The following DLGAP2 variants were observed in gnomAD, a reference collection of about 807,000 sequenced individuals.
DLGAP2 encodes the protein DLG associated protein 2.
Under a neutral mutation model 100.3 loss-of-function variants are expected in DLGAP2, and 26 were observed. The ratio of observed to expected loss-of-function variants is 0.26; its 90% CI spans 0.19 to 0.36. DLGAP2 has a LOEUF of 0.36. DLGAP2 is among the 10% of genes least tolerant of loss of function. The pLI, the probability that DLGAP2 is intolerant of heterozygous loss-of-function variation, is 1.00. For missense variants in DLGAP2, 1,858 were observed against 1,453.2 expected, an observed-to-expected ratio of 1.28 and a Z score of -4.53; for synonymous variants, 886 against 630.1, an observed-to-expected ratio of 1.41 and a Z score of -6.08.
At chr8:1,080,416 A>T (rs1803766788) in intron 2 of DLGAP2, among the ~76,000 whole-genome samples, 2 of 152,254 alleles carry the variant, frequency 1.3e-5, no homozygotes, top group Admixed American at 1.3e-4. Flanking sequence ...CCTCACACTT[A>T]GAAAATCGCC....
intron 2 of DLGAP2, among the ~76,000 whole-genome samples, chr8:1,147,097 T>C (rs1190168049): frequency 1.3e-5 from 2 of 152,340 alleles, no homozygotes; most frequent in South Asian, 2.1e-4. Flanking sequence ...CATCCTTATA[T>C]TGAGTCTTTC....
At chr8:967,816 CTATATATATATATATATATATA>C (rs1175736398) in intron 2 of DLGAP2, among the ~76,000 whole-genome samples, 15 of 2,582 alleles carry the variant, frequency 5.8e-3, no homozygotes, top group African/African-American at 7.5e-3. Flanking sequence ...TTGAACACCA[CTATATATATATATATATATATA>C]TATATATATA....
At chr8:961,210 T>C (rs1449183766) in intron 2 of DLGAP2, among the ~76,000 whole-genome samples, 1 of 152,228 alleles carries the variant, frequency 6.6e-6, no homozygotes, top group Non-Finnish European at 1.5e-5. Context: ...CCATACAATA[T>C]CAAGGCCACT....
At chr8:1,489,025 C>A (rs974515029) in intron 3 of DLGAP2, among the ~76,000 whole-genome samples, 3 of 152,196 alleles carry the variant, frequency 2.0e-5, no homozygotes, top group South Asian at 4.1e-4. Flanking sequence ...ATAATCCGCA[C>A]TGTTACCTTC....
chr8:752,459 C>T (rs982771866), intron 1 of DLGAP2, among the ~76,000 whole-genome samples: 2 of 152,218 alleles, frequency 1.3e-5, no homozygotes, highest in Admixed American at 6.5e-5. Flanking sequence ...ATGTGCCAAT[C>T]TCGGTCGTGC....
chr8:1,642,028 C>G (rs1224886126), intron 8 of DLGAP2, among the ~76,000 whole-genome samples: 1 of 29,524 alleles, frequency 3.4e-5, no homozygotes, highest in Admixed American at 3.5e-4. Flanking sequence ...GTGTCACCCT[C>G]GACCCTGCCG....
At chr8:880,611 T>C (rs1797770271) in intron 1 of DLGAP2, among the ~76,000 whole-genome samples, 2 of 144,262 alleles carry the variant, frequency 1.4e-5, no homozygotes, top group African/African-American at 5.3e-5. Context: ...CCAGTGTGTG[T>C]CCCCTCTCCA....
intron 2 of DLGAP2, among the ~76,000 whole-genome samples, chr8:1,205,514 A>C (rs1797971188): frequency 6.6e-6 from 1 of 152,168 alleles, no homozygotes; most frequent in Non-Finnish European, 1.5e-5. Flanking sequence ...CTCTGTGGCC[A>C]CCGATTAATT....
intron 2 of DLGAP2, among the ~76,000 whole-genome samples, chr8:1,058,173 G>A (rs567791964): frequency 6.6e-5 from 10 of 151,966 alleles, no homozygotes; most frequent in African/African-American, 1.7e-4. Flanking sequence ...CTGGGGGCGC[G>A]GCCGGATTGA....
intron 2 of DLGAP2, among the ~76,000 whole-genome samples, chr8:981,227 C>A (rs900270184): frequency 1.3e-5 from 2 of 152,144 alleles, no homozygotes; most frequent in African/African-American, 4.8e-5. Context: ...CAAGGCTCAT[C>A]TGGGTTGTGG....
rs146117998 is a variant in DLGAP2, at chr8:1,601,989, G to A, written c.1443-24751G>A. 9.2e-4 allele frequency among the ~76,000 whole-genome samples: 101 copies of A among 110,050 alleles called. 1 individual carries two copies. Among genetic ancestry groups the A allele is most frequent in the Middle Eastern group, 8.0e-3 (2 of 250 alleles). The allele number at this position is 110,050 out of a possible 152,430, so 72.2% of individuals were successfully genotyped here. ...GTGTGTGTGTGTGTGTGATCAGCCC[G>A]TGCTACCTTCTTGCTTGTGGGGGCC... On this transcript the variant is annotated intron_variant, in intron 6 of 14. Coordinates refer to ENST00000637795, the MANE Select transcript of DLGAP2 (RefSeq NM_001346810.2).
intron 3 of DLGAP2, among the ~76,000 whole-genome samples, chr8:1,317,400 G>C (rs1265850319): frequency 7.1e-6 from 1 of 140,758 alleles, no homozygotes; most frequent in Non-Finnish European, 1.5e-5. Flanking sequence ...TGCGAGTGCA[G>C]CGTCTCTCCA....
At chr8:837,268 C>T (rs1210847043) in intron 1 of DLGAP2, among the ~76,000 whole-genome samples, 5 of 152,216 alleles carry the variant, frequency 3.3e-5, no homozygotes, top group South Asian at 4.1e-4. Context: ...GGCCAGTCCT[C>T]GGACCTGTGC....
At chr8:1,494,565 C>T (rs574968322) in intron 3 of DLGAP2, among the ~76,000 whole-genome samples, 3 of 152,260 alleles carry the variant, frequency 2.0e-5, no homozygotes, top group African/African-American at 7.2e-5. Context: ...CCCGTCTCTA[C>T]TAAAAATACA....
chr8:1,433,473 C>T (rs1415612012), intron 3 of DLGAP2, among the ~76,000 whole-genome samples: 2 of 152,294 alleles, frequency 1.3e-5, no homozygotes, highest in South Asian at 2.1e-4. Context: ...TGCTGCTGAG[C>T]CCGTGAGGCT....
At chr8:783,959 G>A (rs1821769713) in intron 1 of DLGAP2, among the ~76,000 whole-genome samples, 1 of 152,198 alleles carries the variant, frequency 6.6e-6, no homozygotes, top group African/African-American at 2.4e-5. Context: ...TTAATGGTAA[G>A]TGCTCAGTGA....
At chr8:1,309,103 G>T (rs1261438393) in intron 3 of DLGAP2, among the ~76,000 whole-genome samples, 1 of 152,098 alleles carries the variant, frequency 6.6e-6, no homozygotes, top group Non-Finnish European at 1.5e-5. Context: ...TTGAGGGTCT[G>T]TGGAACATCA....
At chr8:1,492,593 C>G (rs979851372) in intron 3 of DLGAP2, among the ~76,000 whole-genome samples, 2 of 152,188 alleles carry the variant, frequency 1.3e-5, no homozygotes, top group African/African-American at 4.8e-5. Flanking sequence ...CGCGGTGACT[C>G]CAAGAGCCGA....
chr8:1,531,811 T>C (rs1484763588), intron 4 of DLGAP2, among the ~76,000 whole-genome samples: 1 of 152,178 alleles, frequency 6.6e-6, no homozygotes, highest in Non-Finnish European at 1.5e-5. Flanking sequence ...ATCATGCCCA[T>C]AGCTAACTGT....
Sources: gnomAD v4.1 joint callset for allele counts (sites outside exome capture counted in the v4.1 genomes callset) on GRCh38, gnomAD v4.1.1 for gene constraint, MANE v1.5 for transcripts, NCBI Gene and HGNC (gene_info 2026-07-23, HGNC 2026-07-21) for gene names.